The following CPA6 variants were observed in gnomAD, a reference collection of about 807,000 sequenced individuals.
CPA6 encodes carboxypeptidase B.
CPA6 carries 58 observed loss-of-function variants against 63.3 expected under a neutral mutation model. The observed-to-expected ratio is 0.92, with a 90% CI of 0.74 to 1.14. The LOEUF (loss-of-function observed/expected upper bound fraction) is 1.14. CPA6 is among the 50% of genes most tolerant of loss of function. The pLI is 0.00. For missense variants in CPA6, 565 were observed against 526.6 expected (o/e 1.07, Z -0.71); for synonymous variants, 185 against 179.0 (o/e 1.03, Z -0.27).
intron 2 of CPA6, among the ~76,000 whole-genome samples, chr8:67,609,570 G>A (rs887329126): frequency 6.6e-6 from 1 of 152,136 alleles, no homozygotes; most frequent in South Asian, 2.1e-4. Context: ...GGGCTCTTAT[G>A]TTCCTGAAAG....
chr8:67,559,653 CT>C (rs1458664027), intron 2 of CPA6, among the ~76,000 whole-genome samples: 1 of 152,046 alleles, frequency 6.6e-6, no homozygotes, highest in Non-Finnish European at 1.5e-5. Context: ...GGCAAACTTT[CT>C]TTCTTATTTA....
rs182354948 is a variant in CPA6, at chr8:67,464,940, T to C, written c.838+18828A>G. Among the ~76,000 whole-genome samples the C allele has an allele frequency of 9.7e-4, 148 of 152,302 alleles. 1 individual carries two copies. Among genetic ancestry groups the C allele is most frequent in the Middle Eastern group, 3.4e-3 (1 of 294 alleles). On this transcript the variant is annotated intron_variant, in intron 8 of 10. Transcript: ENST00000297770. ...CATAGTATAGTTTGAAGTCAGGTAA[T>C]GTGAAGGCTCCAGCTTTGTTCTTTT...
intron 6 of CPA6, among the ~76,000 whole-genome samples, chr8:67,506,317 T>A (rs1046820079): frequency 2.6e-4 from 39 of 152,222 alleles, no homozygotes; most frequent in African/African-American, 8.7e-4. Flanking sequence ...TTCTGGTATC[T>A]AAATTACAGA....
At chr8:67,706,823 T>C (rs1354535359) in intron 1 of CPA6, among the ~76,000 whole-genome samples, 2 of 152,208 alleles carry the variant, frequency 1.3e-5, no homozygotes, top group African/African-American at 4.8e-5. Context: ...GATTTGTCTA[T>C]AAGGATTTAT....
At chr8:67,635,613 CA>C (rs1277762253) in intron 1 of CPA6, among the ~76,000 whole-genome samples, 1 of 151,174 alleles carries the variant, frequency 6.6e-6, no homozygotes, top group Non-Finnish European at 1.5e-5. Flanking sequence ...ACTAAAAATA[CA>C]AAATTAGCTG....
intron 1 of CPA6, among the ~76,000 whole-genome samples, chr8:67,677,802 C>T (rs1396709836): frequency 6.6e-6 from 1 of 151,926 alleles, no homozygotes; most frequent in Non-Finnish European, 1.5e-5. Context: ...TATTGACTCT[C>T]TCTTTTACAC....
At chr8:67,626,649 C>T (rs1296681002) in intron 1 of CPA6, among the ~76,000 whole-genome samples, 1 of 152,162 alleles carries the variant, frequency 6.6e-6, no homozygotes, top group African/African-American at 2.4e-5. Flanking sequence ...ATACATTTCT[C>T]TGACCTGTGT....
intron 6 of CPA6, among the ~76,000 whole-genome samples, chr8:67,501,912 T>G (rs1309090811): frequency 1.3e-5 from 2 of 152,208 alleles, no homozygotes; most frequent in Non-Finnish European, 2.9e-5. Flanking sequence ...AGTTAATATT[T>G]GTAATAGTTA....
intron 1 of CPA6, among the ~76,000 whole-genome samples, chr8:67,717,094 A>G (rs1817398439): frequency 6.6e-6 from 1 of 152,216 alleles, no homozygotes; most frequent in African/African-American, 2.4e-5. Context: ...TATTTCTTCT[A>G]ATTATTCTCC....
chr8:67,692,396 A>T (rs1262778988), intron 1 of CPA6, among the ~76,000 whole-genome samples: 1 of 151,762 alleles, frequency 6.6e-6, no homozygotes, highest in Admixed American at 6.6e-5. Context: ...GGCATATCTC[A>T]CTTGCTAAAG....
chr8:67,616,252 A>G lies in CPA6; in HGVS notation c.192+7924T>C, dbSNP rs559000518. ...GGGTTGGGAATTACTGCTGTTGACT[A>G]TGGTGAACACTTAAAAGGTTTTAAG... On this transcript the variant is annotated intron_variant, in intron 2 of 10. Coordinates refer to ENST00000297770, the MANE Select transcript of CPA6 (RefSeq NM_020361.5). Among the ~76,000 whole-genome samples, 5 of 152,294 alleles carry G rather than the reference A, an allele frequency of 3.3e-5. No homozygotes were observed. In the South Asian group the frequency reaches 1.0e-3, roughly 32 times the overall value.
intron 2 of CPA6, among the ~76,000 whole-genome samples, chr8:67,566,684 T>C (rs901306411): frequency 4.6e-5 from 7 of 152,214 alleles, no homozygotes; most frequent in African/African-American, 1.7e-4. Context: ...TCTAGCTGCA[T>C]GCTGCACCCT....
At chr8:67,656,200 C>G (rs1439464500) in intron 1 of CPA6, among the ~76,000 whole-genome samples, 1 of 152,294 alleles carries the variant, frequency 6.6e-6, no homozygotes, top group South Asian at 2.1e-4. Context: ...TGGTTGTCCT[C>G]TCCTGGCCTG....
intron 2 of CPA6, among the ~76,000 whole-genome samples, chr8:67,527,363 C>G (rs543433789): frequency 5.3e-5 from 8 of 152,190 alleles, no homozygotes; most frequent in African/African-American, 1.9e-4. Flanking sequence ...CTTAAGAATT[C>G]TTCTGTGTAT....
intron 1 of CPA6, among the ~76,000 whole-genome samples, chr8:67,676,800 A>T (rs1816484053): frequency 6.6e-6 from 1 of 152,258 alleles, no homozygotes; most frequent in Non-Finnish European, 1.5e-5. Flanking sequence ...ACTGCTGTTT[A>T]AAATGTATCC....
intron 1 of CPA6, among the ~76,000 whole-genome samples, chr8:67,647,020 A>G (rs949341936): frequency 6.6e-6 from 1 of 152,212 alleles, no homozygotes; most frequent in African/African-American, 2.4e-5. Flanking sequence ...TGGAAAATGG[A>G]TTACAGGGAA....
chr8:67,529,348 C>T (rs960034447), intron 2 of CPA6, among the ~76,000 whole-genome samples: 1 of 151,986 alleles, frequency 6.6e-6, no homozygotes, highest in Non-Finnish European at 1.5e-5. Context: ...TAAACCTAAC[C>T]AGGGAGAGAT....
chr8:67,599,276 A>T (rs774726514), intron 2 of CPA6, among the ~76,000 whole-genome samples: 1 of 152,220 alleles, frequency 6.6e-6, no homozygotes, highest in Non-Finnish European at 1.5e-5. Flanking sequence ...TGATGCTTTT[A>T]CCATGCTTCT....
chr8:67,511,475 T>C, intron 4 of CPA6, 66 bp downstream of exon 4: 1 of 862,860 alleles, frequency 1.2e-6, no homozygotes. Context: ...CATAATTTTC[T>C]CCCTTAGACC....
Sources: allele counts gnomAD v4.1 joint callset (sites outside exome capture counted in the v4.1 genomes callset), GRCh38; gene constraint gnomAD v4.1.1; transcripts MANE v1.5; gene names NCBI Gene and HGNC (gene_info 2026-07-23, HGNC 2026-07-21).